Variants in PRUNE2 observed in about 807,000 individuals in gnomAD.
PRUNE2 encodes protein prune homolog 2.
A neutral mutation model predicts 252.0 loss-of-function variants in PRUNE2; 164 were observed. The ratio of observed to expected loss-of-function variants is 0.65; its 90% CI spans 0.57 to 0.74. The LOEUF is 0.74. Ranked by LOEUF, PRUNE2 falls within the 30% of genes least tolerant of loss-of-function variation. PRUNE2 has a pLI of 0.00. For synonymous variants in PRUNE2, 1,292 were observed against 1,350.2 expected, an observed-to-expected ratio of 0.96 and a Z score of 0.94; for missense variants, 3,495 against 3,711.0, an observed-to-expected ratio of 0.94 and a Z score of 1.51.
chr9:76,828,685 G>A (rs927136385), intron 4 of PRUNE2, among the ~76,000 whole-genome samples: 3 of 152,108 alleles, frequency 2.0e-5, no homozygotes, highest in Admixed American at 6.5e-5. Flanking sequence ...TATACCCTGT[G>A]GTCTGTCAAT....
chr9:76,642,656 C>T (rs939939177), intron 12 of PRUNE2, among the ~76,000 whole-genome samples: 3 of 152,080 alleles, frequency 2.0e-5, no homozygotes, highest in African/African-American at 7.2e-5. Context: ...TATCAGAAGC[C>T]GAAGGACAAA....
chr9:76,806,884 A>T (rs183370566), intron 6 of PRUNE2, among the ~76,000 whole-genome samples: 162 of 152,130 alleles, frequency 1.1e-3, no homozygotes, highest in African/African-American at 3.8e-3. Flanking sequence ...CCTTGGAAGT[A>T]GTTACTAGTA....
In PRUNE2 at chr9:76,714,963, G is replaced by A. The variant is rs374978962; in HGVS notation, c.757-1242C>T. 5.3e-5 allele frequency among the ~76,000 whole-genome samples: 8 copies of A among 152,298 alleles called. No homozygotes were observed. The South Asian group carries it at 1.2e-3, about 24-fold the overall frequency. Reference sequence around the variant, plus strand: ...ATACCACATAATTCATCAACTGACAGTCTATTGTGTCACTCAACAAAAAAC... The same window carrying A: ...ATACCACATAATTCATCAACTGACAATCTATTGTGTCACTCAACAAAAAAC... On this transcript the variant is annotated intron_variant, in intron 6 of 18. Coordinates refer to ENST00000376718, the MANE Select transcript of PRUNE2 (RefSeq NM_015225.3).
intron 1 of PRUNE2, among the ~76,000 whole-genome samples, chr9:76,904,053 C>T (rs2063336274): frequency 1.3e-5 from 2 of 152,176 alleles, no homozygotes; most frequent in African/African-American, 4.8e-5. Context: ...GAAAATGTAA[C>T]TTCTCAGGAA....
At chr9:76,750,845 G>T (rs904091453) in intron 6 of PRUNE2, among the ~76,000 whole-genome samples, 3 of 152,136 alleles carry the variant, frequency 2.0e-5, no homozygotes, top group African/African-American at 7.2e-5. Flanking sequence ...TCAATGAAAG[G>T]TCAGGCTTAC....
chr9:76,693,472 C>A (rs2045029753), intron 9 of PRUNE2, among the ~76,000 whole-genome samples: 1 of 122,478 alleles, frequency 8.2e-6, no homozygotes. Context: ...GAGACGGAGT[C>A]TTGCACCATT....
At chr9:76,888,576 C>CAAT (rs1437950490) in intron 1 of PRUNE2, among the ~76,000 whole-genome samples, 4 of 137,294 alleles carry the variant, frequency 2.9e-5, no homozygotes, top group South Asian at 2.4e-4. Flanking sequence ...GACTCCATCT[C>CAAT]AATAATAATA....
Position 76,710,001 on chromosome 9 carries a change from G to T in PRUNE2, c.2273C>A (p.Thr758Lys), listed in dbSNP as rs768435339. The T allele has an allele frequency of 1.5e-5, 25 of 1,613,672 alleles. 1 individual carries two copies. Among genetic ancestry groups the T allele is most frequent in the Non-Finnish European group, 1.9e-5 (22 of 1,179,818 alleles). The change falls in exon 8 of 19, where the codon ACA (threonine) becomes AAA (lysine). Residue 758 changes from threonine (T) to lysine (K), a missense_variant. Thr to Lys is a moderately conservative substitution (Grantham distance 78). Coordinates refer to ENST00000376718, the MANE Select transcript of PRUNE2 (RefSeq NM_015225.3). Reference sequence around the variant, plus strand: ...AGCAAAGTCTTCTATCAGGTGGTTTGTTCCTTGGGGAGATGTATTTGGCAA... The same window carrying T: ...AGCAAAGTCTTCTATCAGGTGGTTTTTTCCTTGGGGAGATGTATTTGGCAA... ...SPLPNTSPQGTNHLIEDFASL... is the reference protein window; with the variant it reads ...SPLPNTSPQGKNHLIEDFASL...
Position 76,896,240 on chromosome 9 carries a change from T to C in PRUNE2, c.36+9688A>G, listed in dbSNP as rs1208135350. 3.9e-5 allele frequency among the ~76,000 whole-genome samples: 6 copies of C among 152,338 alleles called. No homozygotes were observed. The South Asian group carries it at 1.2e-3, about 32-fold the overall frequency. ...CTGTGTCAAAGTGCACATTAAATAA[T>C]AACCTCAATGATGGTAGCTAGCATT... On this transcript the variant is annotated intron_variant, in intron 1 of 18. Transcript: ENST00000376718.
chr9:76,614,995 G>A, intron 18 of PRUNE2: 1 of 584,296 alleles, frequency 1.7e-6, no homozygotes, highest in Non-Finnish European at 2.2e-6. Context: ...CCTCAAGTAA[G>A]TAATGTCTGA....
At chr9:76,889,875 C>A (rs1410880377) in intron 1 of PRUNE2, among the ~76,000 whole-genome samples, 9 of 152,178 alleles carry the variant, frequency 5.9e-5, no homozygotes, top group Non-Finnish European at 1.2e-4. Context: ...TGGGGGACAG[C>A]AGCATTGCCA....
At chr9:76,717,037 A>C (rs559517594) in intron 6 of PRUNE2, among the ~76,000 whole-genome samples, 2 of 152,338 alleles carry the variant, frequency 1.3e-5, no homozygotes, top group Admixed American at 6.5e-5. Flanking sequence ...CATGTCCCTC[A>C]AGTGCTCTAG....
At chr9:76,871,215 A>G (rs116425107) in intron 1 of PRUNE2, among the ~76,000 whole-genome samples, 1,589 of 152,324 alleles carry the variant, frequency 0.01, 31 homozygotes, top group African/African-American at 0.037. Context: ...CACTCAAAGA[A>G]AAACAAAAAA....
rs1490285240 is a variant in PRUNE2 at position 76,855,082 on chromosome 9, A to AAAAAT, written c.37-875_37-874insATTTT. Among the ~76,000 whole-genome samples the AAAAAT allele has an allele frequency of 2.0e-3, 216 of 109,394 alleles. 4 individuals are homozygous for AAAAAT. The highest frequency in any genetic ancestry group is 7.6e-3 in the African/African-American group (197 of 25,958). The allele number at this position is 109,394 out of a possible 152,430, so 71.8% of individuals were successfully genotyped here. ...TCCATCTCAAAAAAAAAAAAAAAAA[A>AAAAAT]ATATATATATATATATATATAGTCA... On this transcript the variant is annotated intron_variant, in intron 1 of 18. Coordinates refer to ENST00000376718, the MANE Select transcript of PRUNE2 (RefSeq NM_015225.3).
chr9:76,623,762 C>A (rs747874998), intron 17 of PRUNE2, among the ~76,000 whole-genome samples: 3 of 152,180 alleles, frequency 2.0e-5, no homozygotes, highest in Non-Finnish European at 2.9e-5. Flanking sequence ...AAATATTCTT[C>A]TATAAATTGC....
At chr9:76,789,424 G>A (rs957897036) in intron 6 of PRUNE2, among the ~76,000 whole-genome samples, 1 of 152,224 alleles carries the variant, frequency 6.6e-6, no homozygotes, top group African/African-American at 2.4e-5. Context: ...CTCTCATCCA[G>A]TGGTCTTCTC....
At chr9:76,681,405 A>G (rs2043414079) in intron 9 of PRUNE2, among the ~76,000 whole-genome samples, 1 of 151,578 alleles carries the variant, frequency 6.6e-6, no homozygotes. Flanking sequence ...ACACTTAACA[A>G]TGGTTAAGAC....
chr9:76,653,728 C>A (rs944433885), intron 10 of PRUNE2, among the ~76,000 whole-genome samples: 1 of 150,454 alleles, frequency 6.6e-6, no homozygotes, highest in African/African-American at 2.5e-5. Context: ...CTTTACCTGG[C>A]CGAAGTATCC....
chr9:76,856,357 C>G (rs2060250329), intron 1 of PRUNE2: 1 of 152,102 alleles, frequency 6.6e-6, no homozygotes, highest in East Asian at 1.9e-4. Flanking sequence ...TCAAAATTAC[C>G]CCCAAAGCTG....
Sources: allele counts gnomAD v4.1 joint callset (sites outside exome capture counted in the v4.1 genomes callset), GRCh38; gene constraint gnomAD v4.1.1; transcripts MANE v1.5; gene names NCBI Gene and HGNC (gene_info 2026-07-23, HGNC 2026-07-21).